Variants in SPTBN5 observed in about 807,000 individuals in gnomAD.
The protein encoded by SPTBN5 is spectrin beta, non-erythrocytic 5.
SPTBN5 carries 513 observed loss-of-function variants against 477.6 expected under a neutral mutation model. That is an observed-to-expected ratio of 1.07 (90% CI 1.00 to 1.16). The LOEUF (loss-of-function observed/expected upper bound fraction) is 1.16, where lower values mean the gene tolerates loss of function less well. Ranked by LOEUF, SPTBN5 falls within the 50% of genes most tolerant of loss-of-function variation. The probability of loss-of-function intolerance (pLI) is 0.00; values close to 1 mark genes in which losing one functional copy is unlikely to be tolerated. For synonymous variants in SPTBN5, 2,169 were observed against 2,011.7 expected, an observed-to-expected ratio of 1.08 and a Z score of -2.09; for missense variants, 5,062 against 4,731.8, an observed-to-expected ratio of 1.07 and a Z score of -2.05.
At chr15:41,858,817 A>C in intron 48 of SPTBN5, 69 bp from the exon 49 acceptor site, 1 of 1,557,188 alleles carries the variant, frequency 6.4e-7, no homozygotes, top group Non-Finnish European at 8.7e-7. Context: ...GGGATACCCC[A>C]GAGGAAGGGT....
chr15:41,878,266 C>A lies in SPTBN5; in HGVS notation c.3470+76G>T, dbSNP rs1036977767. 7.8e-6 allele frequency: 12 copies of A among 1,528,736 alleles called. No individual in the cohort carries two copies. In the African/African-American group the frequency reaches 1.2e-4, roughly 16 times the overall value. The allele number at this position is 1,528,736 out of a possible 1,614,324, so 94.7% of individuals were successfully genotyped here. A position where few individuals can be genotyped will look rare whatever the true frequency, so the allele number is the denominator to read the frequency against. ...GAAATCACACTACTTCCCGCATGCT[C>A]TTTCTGGGCCTGAACCCAGAGCCCA... On this transcript the variant is annotated intron_variant, in intron 17 of 67. Coordinates refer to ENST00000320955, the MANE Select transcript of SPTBN5 (RefSeq NM_016642.4).
chr15:41,888,885 G>A (rs568638042), intron 4 of SPTBN5, among the ~76,000 whole-genome samples: 5 of 152,284 alleles, frequency 3.3e-5, no homozygotes, highest in African/African-American at 1.2e-4. Context: ...GTGGAGTCTC[G>A]AGGCCCTGGG....
chr15:41,860,203 G>A (rs902347819), intron 47 of SPTBN5, among the ~76,000 whole-genome samples: 1 of 152,214 alleles, frequency 6.6e-6, no homozygotes, highest in African/African-American at 2.4e-5. Context: ...GGAGGAACTT[G>A]TCTGAGTCCT....
rs892627768 is a variant in SPTBN5, at chr15:41,872,427, G to A, written c.5040C>T (p.Ser1680=). ...CCGTCTGGTCAAGCTCCTCCATGGAGCTCCAGTAAATGGCTAGTTCCTCCT... is the reference window on the plus strand; with the variant it reads ...CCGTCTGGTCAAGCTCCTCCATGGAACTCCAGTAAATGGCTAGTTCCTCCT... ...ALQEELAIYW[S]SMEELDQTAQ... is the part of the protein sequence containing the mutation. Residue 1680 remains serine (S), a synonymous_variant, in exon 27 of 68, where the codon AGC becomes AGT. Transcript: ENST00000320955. 1.3e-6 allele frequency: 2 copies of A among 1,579,692 alleles called. No individual in the cohort carries two copies. Among genetic ancestry groups the A allele is most frequent in the Non-Finnish European group, 1.7e-6 (2 of 1,163,370 alleles).
intron 47 of SPTBN5, among the ~76,000 whole-genome samples, chr15:41,859,655 G>A (rs1485325011): frequency 6.6e-6 from 1 of 152,206 alleles, no homozygotes; most frequent in East Asian, 1.9e-4. Context: ...AGAAGCCAGG[G>A]GCTAGAAGTC....
chr15:41,877,009 G>T, intron 18 of SPTBN5, 61 bp from the exon 19 acceptor site: 1 of 1,583,592 alleles, frequency 6.3e-7, no homozygotes, highest in East Asian at 2.3e-5. Context: ...CATCTCACCC[G>T]CCACTGCCCC....
rs2066302839 is a variant in SPTBN5 at position 41,866,173 on chromosome 15, C to T, written c.6687G>A (p.Arg2229=). 1 of 1,571,176 alleles carries T rather than the reference C, an allele frequency of 6.4e-7. No homozygotes were observed. Among genetic ancestry groups the T allele is most frequent in the Non-Finnish European group, 8.6e-7 (1 of 1,159,776 alleles). Residue 2229 remains arginine (R), a synonymous_variant, in exon 38 of 68, where the codon CGG becomes CGA. Coordinates refer to ENST00000320955, the MANE Select transcript of SPTBN5 (RefSeq NM_016642.4). ...CCCAGTGCTTCCGCAGGCCCTGCAG[C>T]CGCTGGGAGACCTCTCCGGCTCGAG... is the stretch of plus-strand genomic sequence containing the variant. ...SHPRAGEVSQ[R]LQGLRKHWED...
intron 43 of SPTBN5, 23 bp from the exon 44 acceptor site, chr15:41,862,315 A>G: frequency 2.5e-6 from 4 of 1,572,086 alleles, no homozygotes; most frequent in Non-Finnish European, 2.6e-6. Context: ...CTCATCAGCT[A>G]GTCGTCAGGC....
chr15:41,875,792 G>A (rs1326032734), intron 21 of SPTBN5, among the ~76,000 whole-genome samples, 170 bp from the exon 22 acceptor site: 1 of 152,192 alleles, frequency 6.6e-6, no homozygotes, highest in Non-Finnish European at 1.5e-5. Flanking sequence ...AGGTAGGGGG[G>A]CTTTCCTCTG....
In SPTBN5 at chr15:41,887,586, A is replaced by AAGGAGGAGGACTCTGACAG. The variant is rs1474608746; in HGVS notation, c.660-164_660-146dup. 27 of 722,778 alleles carry AAGGAGGAGGACTCTGACAG rather than the reference A, an allele frequency of 3.7e-5. No homozygotes were observed. In the African/African-American group the frequency reaches 3.8e-4, roughly 10 times the overall value. The allele number at this position is 722,778 out of a possible 1,614,324, so 44.8% of individuals were successfully genotyped here. On this transcript the variant is annotated intron_variant, in intron 5 of 67. Transcript: ENST00000320955. Reference sequence around the variant, plus strand: ...CCGACAGTTATCTGAGGCCCTGTTGAAGGAGGAGGACTCTGACAGAGAAAG... The same window carrying AAGGAGGAGGACTCTGACAG: ...CCGACAGTTATCTGAGGCCCTGTTGAAGGAGGAGGACTCTGACAGAGGAGGAGGACTCTGACAGAGAAAG...
chr15:41,853,183 G>C (rs1360742020), intron 59 of SPTBN5, 75 bp downstream of exon 59: 1 of 1,522,966 alleles, frequency 6.6e-7, no homozygotes, highest in East Asian at 2.3e-5. Context: ...TTCCATGCCT[G>C]TGAGGGGCCC....
chr15:41,880,898 G>T, intron 13 of SPTBN5, 136 bp downstream of exon 13: 1 of 782,980 alleles, frequency 1.3e-6, no homozygotes, highest in Non-Finnish European at 2.0e-6. Flanking sequence ...TGAGTTGTCT[G>T]ACATCTTCTC....
chr15:41,863,503 G>A (rs8028958), intron 41 of SPTBN5, among the ~76,000 whole-genome samples: 1 of 152,024 alleles, frequency 6.6e-6, no homozygotes, highest in Admixed American at 6.5e-5. Context: ...GCTCGCAATG[G>A]ATGCTTCTAT....
At chr15:41,858,360 A>C (rs1048891675) in intron 49 of SPTBN5, among the ~76,000 whole-genome samples, 7 of 151,752 alleles carry the variant, frequency 4.6e-5, no homozygotes, top group Non-Finnish European at 8.9e-5. Context: ...TTCACATCAA[A>C]ATGTTATCTT....
At position 41,874,423 on chromosome 15, in the gene SPTBN5, C is replaced by T. The variant is rs2066650023; in HGVS notation, c.4558G>A (p.Val1520Met). The change falls in exon 24 of 68, where the codon GTG becomes ATG. Residue 1520 changes from valine (V) to methionine (M), a missense_variant. Physicochemically the swap from Val to Met is conservative, Grantham distance 21. Coordinates refer to ENST00000320955, the MANE Select transcript of SPTBN5 (RefSeq NM_016642.4). ...AIRGLQLQAS[V>M]ELHQFCHLSN... is the part of the protein sequence containing the mutation. Reference sequence around the variant, plus strand: ...AGGTGGCAGAACTGGTGCAGCTCCACTGAGGCCTGCAGCTGCAGGCCCCGG... The same window carrying T: ...AGGTGGCAGAACTGGTGCAGCTCCATTGAGGCCTGCAGCTGCAGGCCCCGG... The T allele has an allele frequency of 6.2e-7, 1 of 1,613,176 alleles. No individual in the cohort carries two copies. The highest frequency in any genetic ancestry group is 8.5e-7 in the Non-Finnish European group (1 of 1,179,800).
At position 41,856,435 on chromosome 15, in the gene SPTBN5, C is replaced by T. The variant is rs748509385; in HGVS notation, c.8972G>A (p.Arg2991Lys). The change falls in exon 53 of 68, where the codon AGG becomes AAG. Residue 2991 changes from arginine (R) to lysine (K), a missense_variant. Arg to Lys is a conservative substitution (Grantham distance 26). Transcript: ENST00000320955. Reference sequence around the variant, plus strand: ...CTGAGCCTGCTGCAGCAGAAGCCGCCTCCGCGCCGCCTCTGCCCGCAGGTG... The same window carrying T: ...CTGAGCCTGCTGCAGCAGAAGCCGCTTCCGCGCCGCCTCTGCCCGCAGGTG... ...MAHLRAEAAR[R>K]RLLLQQAQEA... 5.6e-6 allele frequency: 9 copies of T among 1,594,868 alleles called. No individual in the cohort carries two copies. In the Admixed American group the frequency reaches 1.2e-4, roughly 21 times the overall value.
chr15:41,881,951 C>A lies in SPTBN5; in HGVS notation c.2442G>T (p.Arg814=). 2 of 1,529,492 alleles carry A rather than the reference C, an allele frequency of 1.3e-6. No homozygotes were observed. The highest frequency in any genetic ancestry group is 1.7e-6 in the Non-Finnish European group (2 of 1,147,298). 94.7% of individuals were successfully genotyped at this position (1,529,492 alleles called of 1,614,324 possible). A position where few individuals can be genotyped will look rare whatever the true frequency, so the allele number is the denominator to read the frequency against. Residue 814 remains arginine, a synonymous_variant, in exon 12 of 68, where the codon CGG becomes CGT. Coordinates refer to ENST00000320955, the MANE Select transcript of SPTBN5 (RefSeq NM_016642.4). ...CCGTCCTCACCGTGAATAACGACGC[C>A]CGGGCCGAGGCCGCCCGCCCCTGCT... ...LEEQGRAASA[R]ASLFTVNSAL... is the part of the protein sequence containing the mutation.
At chr15:41,891,782 C>T (rs970465065) in intron 3 of SPTBN5, among the ~76,000 whole-genome samples, 3 of 152,192 alleles carry the variant, frequency 2.0e-5, no homozygotes, top group African/African-American at 7.2e-5. Context: ...ATGCATCCCT[C>T]ATTCTGCCAC....
rs940617828 is a variant in SPTBN5 at position 41,854,214 on chromosome 15, G to C, written c.9619-9C>G. The C allele has an allele frequency of 3.8e-6, 6 of 1,590,122 alleles. No homozygotes were observed. Among genetic ancestry groups the C allele is most frequent in the Non-Finnish European group, 4.3e-6 (5 of 1,168,566 alleles). ...TGGGCTGCAGCCAAGTTCTGGGAGA[G>C]GAGAAAGGACCTGCTCAGGGCTGTT... On this transcript the variant is annotated splice_polypyrimidine_tract_variant and intron_variant, in intron 56 of 67. Coordinates refer to ENST00000320955, the MANE Select transcript of SPTBN5 (RefSeq NM_016642.4).
Sources: gnomAD v4.1 joint callset for allele counts (sites outside exome capture counted in the v4.1 genomes callset) on GRCh38, gnomAD v4.1.1 for gene constraint, MANE v1.5 for transcripts, NCBI Gene and HGNC (gene_info 2026-07-23, HGNC 2026-07-21) for gene names.